ITGA2B: variants seen among roughly 807,000 people sequenced by gnomAD.
The protein encoded by ITGA2B is integrin alpha-IIb.
Under a neutral mutation model 142.0 loss-of-function variants are expected in ITGA2B, and 91 were observed. The observed-to-expected ratio is 0.64, with a 90% CI of 0.54 to 0.76. The LOEUF is 0.76. Among genes scored for constraint, ITGA2B ranks in the 30% least tolerant of loss-of-function variants. ITGA2B has a pLI of 0.00. For missense variants in ITGA2B, 1,231 were observed against 1,350.8 expected, an observed-to-expected ratio of 0.91 and a Z score of 1.39; for synonymous variants, 536 against 567.2, an observed-to-expected ratio of 0.94 and a Z score of 0.78.
At chr17:44,376,429 C>G in intron 22 of ITGA2B, 41 bp from the exon 23 acceptor site, 1 of 1,595,138 alleles carries the variant, frequency 6.3e-7, no homozygotes, top group Non-Finnish European at 8.6e-7. Context: ...CCAGGGACAC[C>G]AGCCCAGTGA....
chr17:44,375,879 T>A lies in ITGA2B; in HGVS notation c.2555A>T (p.Gln852Leu), dbSNP rs373957549. 1.2e-6 allele frequency: 2 copies of A among 1,605,330 alleles called. No homozygotes were observed. Among genetic ancestry groups the A allele is most frequent in the Non-Finnish European group, 1.7e-6 (2 of 1,176,330 alleles). The stretch of plus-strand genomic sequence containing the variant: ...CTGTGGGAAGCACTGAAGGCCCCCC[T>A]GGGGCTGTATATCCAGGATGTAGAG... ...DLLYILDIQP[Q>L]GGLQCFPQPP... The change falls in exon 25 of 30, where the codon CAG becomes CTG. Residue 852 changes from glutamine (Q) to leucine (L), a missense_variant. This residue lies in a region of ITGA2B where 908 missense variants were observed against 1,021.1 expected (regional missense o/e 0.89). Transcript: ENST00000262407.
intron 1 of ITGA2B, among the ~76,000 whole-genome samples, chr17:44,387,426 G>A (rs559868439): frequency 1.5e-4 from 23 of 152,124 alleles, no homozygotes; most frequent in Non-Finnish European, 2.4e-4. Flanking sequence ...GGGAGGCTGA[G>A]ACAGGAGAAT....
Position 44,374,352 on chromosome 17 carries a change from A to G in ITGA2B, c.3060+2T>C, listed in dbSNP as rs74664206. 2.7e-5 allele frequency: 44 copies of G among 1,613,224 alleles called. No homozygotes were observed. The highest frequency in any genetic ancestry group is 3.6e-5 in the Non-Finnish European group (42 of 1,179,538). On this transcript the variant is annotated splice_donor_variant, in intron 29 of 29. Coordinates refer to ENST00000262407, the MANE Select transcript of ITGA2B (RefSeq NM_000419.5). LOFTEE classifies it high-confidence loss of function. ...GGGACTCCACCGTCCTTCACACCTC[A>G]CCTTCCACATGGCCAGGACCAGGAT... is the stretch of plus-strand genomic sequence containing the variant.
Position 44,380,041 on chromosome 17 carries a change from C to G in ITGA2B, c.1713G>C (p.Lys571Asn), listed in dbSNP as rs2048580266. The part of the protein sequence containing the change: ...GTTLNLDLGG[K>N]HSPICHTTMA... Reference sequence around the variant, plus strand: ...TGGTGGTGTGGCAGATGGGGCTGTGCTTTCCGCCCAGATCCAGGTTCAGGG... The same window carrying G: ...TGGTGGTGTGGCAGATGGGGCTGTGGTTTCCGCCCAGATCCAGGTTCAGGG... The change falls in exon 17 of 30, where the codon AAG becomes AAC. Residue 571 changes from lysine to asparagine, a missense_variant. Lys to Asn is a moderately conservative substitution (Grantham distance 94, BLOSUM62 0). Around this residue, in one of 3 missense-constraint regions of ITGA2B, gnomAD observed 908 missense variants for 1,021.1 expected, o/e 0.89. Coordinates refer to ENST00000262407, the MANE Select transcript of ITGA2B (RefSeq NM_000419.5). 1.2e-6 allele frequency: 2 copies of G among 1,613,870 alleles called. No homozygotes were observed. Among genetic ancestry groups the G allele is most frequent in the Middle Eastern group, 1.7e-4 (1 of 5,806 alleles).
chr17:44,375,754 C>T (rs1215868723), intron 25 of ITGA2B, 38 bp from the exon 26 acceptor site: 20 of 1,557,892 alleles, frequency 1.3e-5, no homozygotes, highest in Middle Eastern at 1.7e-4. Flanking sequence ...CAGGTCTCCC[C>T]CGAACCCCAG....
At chr17:44,382,486 TTC>T (rs2048605562) in intron 12 of ITGA2B, among the ~76,000 whole-genome samples, 1 of 152,084 alleles carries the variant, frequency 6.6e-6, no homozygotes, top group African/African-American at 2.4e-5. Flanking sequence ...CCCTTCTTTT[TTC>T]TTTCTTCCTT....
At chr17:44,375,529 C>T (rs1280803226) in intron 26 of ITGA2B, 62 bp downstream of exon 26, 1 of 1,593,742 alleles carries the variant, frequency 6.3e-7, no homozygotes. Flanking sequence ...TCTCCCTCCT[C>T]CCATCCCCTC....
At chr17:44,379,156 G>A (rs1419229713) in intron 18 of ITGA2B, among the ~76,000 whole-genome samples, 55 of 148,620 alleles carry the variant, frequency 3.7e-4, no homozygotes, top group African/African-American at 1.1e-3. Context: ...GGGTTTCACT[G>A]TGTTAGCCAG....
chr17:44,376,254 C>G, intron 23 of ITGA2B, 54 bp downstream of exon 23: 1 of 1,613,600 alleles, frequency 6.2e-7, no homozygotes, highest in East Asian at 2.2e-5. Context: ...CCCAGCGCCC[C>G]CTGGAGTTTA....
intron 20 of ITGA2B, among the ~76,000 whole-genome samples, chr17:44,378,010 G>A (rs1454296703): frequency 6.6e-6 from 1 of 151,572 alleles, no homozygotes; most frequent in East Asian, 1.9e-4. Context: ...AAACATTAGA[G>A]TATGACCCCC....
chr17:44,384,288 G>A, intron 9 of ITGA2B, 23 bp downstream of exon 9: 1 of 1,612,744 alleles, frequency 6.2e-7, no homozygotes, highest in African/African-American at 1.3e-5. Context: ...GGCTTCGGGA[G>A]GCCCAGTGGT....
Position 44,374,855 on chromosome 17 carries a change from T to A in ITGA2B, c.2842-95A>T, listed in dbSNP as rs1208830238. ...ACACCCCCGGCGGGGAAGCCCTGCC[T>A]CTGACCTAATCCCACTGCAATCCCC... is the stretch of plus-strand genomic sequence containing the variant. On this transcript the variant is annotated intron_variant, in intron 27 of 29. Transcript: ENST00000262407. 7.8e-6 allele frequency: 10 copies of A among 1,284,368 alleles called. No homozygotes were observed. The Admixed American group carries it at 1.2e-4, about 15-fold the overall frequency. 79.6% of individuals were successfully genotyped at this position (1,284,368 alleles called of 1,614,324 possible).
chr17:44,377,137 A>G, intron 21 of ITGA2B, 49 bp from the exon 22 acceptor site: 2 of 1,377,054 alleles, frequency 1.5e-6, no homozygotes, highest in Non-Finnish European at 2.0e-6. Flanking sequence ...CCCACTTAGG[A>G]CAGCCCTGCC....
intron 12 of ITGA2B, among the ~76,000 whole-genome samples, chr17:44,382,123 C>T (rs1021749389): frequency 6.6e-6 from 1 of 152,012 alleles, no homozygotes; most frequent in Admixed American, 6.6e-5. Context: ...GACACTGGGC[C>T]AGTCACCCTC....
chr17:44,380,588 G>A lies in ITGA2B; in HGVS notation c.1439+12C>T. On this transcript the variant is annotated intron_variant, in intron 14 of 29. Transcript: ENST00000262407. ...GGACCTTCCCCATCCCGCCCCTGGAGCCAGTGCTCACCTGTACACAGCCAC... is the reference window on the plus strand; with the variant it reads ...GGACCTTCCCCATCCCGCCCCTGGAACCAGTGCTCACCTGTACACAGCCAC... 1.9e-6 allele frequency: 3 copies of A among 1,614,226 alleles called. No homozygotes were observed. The highest frequency in any genetic ancestry group is 2.5e-6 in the Non-Finnish European group (3 of 1,180,034).
rs2143489377 is a variant in ITGA2B, at chr17:44,385,693, C to T, written c.432G>A (p.Trp144Ter). 1 of 1,613,682 alleles carries T rather than the reference C, an allele frequency of 6.2e-7. No individual in the cohort carries two copies. The highest frequency in any genetic ancestry group is 2.2e-5 in the East Asian group (1 of 44,872). Reference sequence around the variant, plus strand: ...CCTCCTCAGTCTTTTCTAGGACGTTCCAGTGCTGCCAGGGGGCGCAGGCCT... The same window carrying T: ...CCTCCTCAGTCTTTTCTAGGACGTTTCAGTGCTGCCAGGGGGCGCAGGCCT... ...VIVACAPWQH[W>*]NVLEKTEEAE... Residue 144 changes from tryptophan to a stop codon, truncating the protein, a stop_gained, in exon 4 of 30, where the codon TGG becomes TGA. Transcript: ENST00000262407. LOFTEE classifies it high-confidence loss of function.
At chr17:44,382,140 C>T (rs977108655) in intron 12 of ITGA2B, among the ~76,000 whole-genome samples, 2 of 152,244 alleles carry the variant, frequency 1.3e-5, no homozygotes, top group East Asian at 1.9e-4. Context: ...CCTCCCACCC[C>T]CTGAGGCATC....
chr17:44,374,116 G>A (rs572601659), intron 29 of ITGA2B: 14 of 508,244 alleles, frequency 2.8e-5, no homozygotes, highest in Non-Finnish European at 4.3e-5. Context: ...ATGTTGGCCA[G>A]GCTGGTCTCG....
At chr17:44,378,162 G>A (rs1393315885) in intron 20 of ITGA2B, among the ~76,000 whole-genome samples, 200 bp downstream of exon 20, 1 of 151,898 alleles carries the variant, frequency 6.6e-6, no homozygotes. Context: ...AACCTTTTTT[G>A]TTTTTCTGGT....
Sources: allele counts gnomAD v4.1 joint callset (sites outside exome capture counted in the v4.1 genomes callset), GRCh38; gene constraint gnomAD v4.1.1; regional missense constraint gnomAD v4.1.1; transcripts MANE v1.5; gene names NCBI Gene and HGNC (gene_info 2026-07-23, HGNC 2026-07-21).